Variants in MAOB observed in about 807,000 individuals in gnomAD.
MAOB encodes the protein amine oxidase [flavin-containing] B.
Under a neutral mutation model 41.9 loss-of-function variants are expected in MAOB, and 15 were observed. The observed-to-expected ratio is 0.36, with a 90% CI of 0.24 to 0.55. The LOEUF is 0.55. Ranked by LOEUF, MAOB falls within the 20% of genes least tolerant of loss-of-function variation. The pLI is 0.86. For missense variants in MAOB, 345 were observed against 398.7 expected (o/e 0.87, Z 1.15); for synonymous variants, 167 against 144.2 (o/e 1.16, Z -1.13).
chrX:43,848,528 T>C (rs1478572918), intron 1 of MAOB, among the ~76,000 whole-genome samples: 1 of 110,517 alleles, frequency 9.0e-6, no homozygotes, highest in South Asian at 3.8e-4. Flanking sequence ...TATGTTGTTG[T>C]TGTCATTTTT....
In MAOB at chrX:43,784,546, T is replaced by C. The variant is rs191915968; in HGVS notation, c.929-3002A>G. Among the ~76,000 whole-genome samples the C allele has an allele frequency of 5.3e-3, 589 of 111,784 alleles. 1 individual carries two copies. Among genetic ancestry groups the C allele is most frequent in the Middle Eastern group, 0.023 (5 of 216 alleles). On this transcript the variant is annotated intron_variant, in intron 8 of 14. Coordinates refer to ENST00000378069, the MANE Select transcript of MAOB (RefSeq NM_000898.5). ...TCTTCTCAGCAGTAGGTCTCAAGAG[T>C]GGGCTTAAAATATTCAGTAAACCAT...
chrX:43,838,812 G>A (rs1389567811), intron 3 of MAOB, 56 bp downstream of exon 3: 87 of 1,065,376 alleles, frequency 8.2e-5, no homozygotes, highest in Non-Finnish European at 1.1e-4. Context: ...TGGAATTTGT[G>A]TAAGGAAACA....
intron 14 of MAOB, among the ~76,000 whole-genome samples, chrX:43,768,007 A>G (rs1399780738): frequency 1.8e-5 from 2 of 112,069 alleles, no homozygotes; most frequent in Admixed American, 1.9e-4. Flanking sequence ...AAATGAATCA[A>G]TGGTCCCTAC....
chrX:43,837,827 C>T (rs1260451305), intron 3 of MAOB: 11 of 326,872 alleles, frequency 3.4e-5, no homozygotes, highest in African/African-American at 1.1e-4. Flanking sequence ...TGAAAACCTC[C>T]GCCAGTTCTT....
chrX:43,786,993 GAA>G (rs918511008), intron 8 of MAOB, among the ~76,000 whole-genome samples: 1 of 109,716 alleles, frequency 9.1e-6, no homozygotes. Flanking sequence ...TTTACTCTTA[GAA>G]AAAGAGATGA....
chrX:43,842,207 T>C lies in MAOB; in HGVS notation c.141+1463A>G, dbSNP rs1350984836. Among the ~76,000 whole-genome samples, 3 of 112,054 alleles carry C rather than the reference T, an allele frequency of 2.7e-5. No individual in the cohort carries two copies. The Admixed American group carries it at 2.8e-4, about 11-fold the overall frequency. On this transcript the variant is annotated intron_variant, in intron 2 of 14. Coordinates refer to ENST00000378069, the MANE Select transcript of MAOB (RefSeq NM_000898.5). ...TATATAAGAAACTCAAACAACTCAA[T>C]AGCAAGAGACAAATAACCAGATTTT...
At chrX:43,775,316 G>C in intron 11 of MAOB, 44 bp from the exon 12 acceptor site, 1 of 1,181,927 alleles carries the variant, frequency 8.5e-7, no homozygotes, top group South Asian at 1.9e-5. Flanking sequence ...CTCAGAGAAA[G>C]CTATTTAGCC....
At chrX:43,871,816 G>A (rs774752809) in intron 1 of MAOB, among the ~76,000 whole-genome samples, 1 of 110,303 alleles carries the variant, frequency 9.1e-6, no homozygotes, top group East Asian at 2.9e-4. Flanking sequence ...CTTAACAAGG[G>A]CTGTTTGATT....
chrX:43,836,570 T>C (rs1050452347), intron 3 of MAOB, among the ~76,000 whole-genome samples: 2 of 112,254 alleles, frequency 1.8e-5, no homozygotes, highest in African/African-American at 3.2e-5. Context: ...TGCATGTGCA[T>C]ACAATTTCTT....
intron 11 of MAOB, among the ~76,000 whole-genome samples, chrX:43,775,901 G>T (rs548358793): frequency 2.7e-5 from 3 of 112,355 alleles, no homozygotes; most frequent in South Asian, 7.2e-4. Flanking sequence ...GCATTACTTC[G>T]AAAAGATAAA....
intron 8 of MAOB, among the ~76,000 whole-genome samples, chrX:43,790,268 G>T (rs1261365864): frequency 8.9e-6 from 1 of 112,247 alleles, no homozygotes; most frequent in Admixed American, 9.4e-5. Context: ...AACTTCTTCA[G>T]ATTTCATTAC....
intron 12 of MAOB, among the ~76,000 whole-genome samples, chrX:43,770,705 C>A (rs899338717): frequency 8.9e-6 from 1 of 111,903 alleles, no homozygotes; most frequent in African/African-American, 3.3e-5. Context: ...AAGAGCCACA[C>A]TCCTAGAAAA....
At chrX:43,793,195 G>A (rs925340484) in intron 8 of MAOB, among the ~76,000 whole-genome samples, 7 of 111,646 alleles carry the variant, frequency 6.3e-5, no homozygotes, top group African/African-American at 2.0e-4. Context: ...GAGGTAAGGA[G>A]TACAGCAAGA....
At chrX:43,785,188 C>T (rs1306929796) in intron 8 of MAOB, among the ~76,000 whole-genome samples, 1 of 113,030 alleles carries the variant, frequency 8.8e-6, no homozygotes, top group Non-Finnish European at 1.9e-5. Context: ...TTAATGTAGC[C>T]ACCTTTGTCA....
intron 13 of MAOB, 108 bp from the exon 14 acceptor site, chrX:43,768,824 C>A: frequency 1.5e-6 from 1 of 684,298 alleles, no homozygotes. Flanking sequence ...ATCAAAAACA[C>A]CAAGGTAAAG....
At chrX:43,807,253 C>T (rs1208205696) in intron 3 of MAOB, among the ~76,000 whole-genome samples, 1 of 112,298 alleles carries the variant, frequency 8.9e-6, no homozygotes, top group Middle Eastern at 4.2e-3. Flanking sequence ...AGAAGTCAAT[C>T]CCCATTCTAG....
At chrX:43,875,359 A>G (rs953798547) in intron 1 of MAOB, among the ~76,000 whole-genome samples, 14 of 111,825 alleles carry the variant, frequency 1.3e-4, no homozygotes, top group African/African-American at 4.2e-4. Flanking sequence ...AACTCTAAAG[A>G]TGCTTCCGTC....
intron 3 of MAOB, among the ~76,000 whole-genome samples, chrX:43,823,920 A>G (rs1029005693): frequency 8.9e-6 from 1 of 112,350 alleles, no homozygotes; most frequent in African/African-American, 3.2e-5. Flanking sequence ...AATTCTGTTC[A>G]GAGATATTGT....
intron 1 of MAOB, among the ~76,000 whole-genome samples, chrX:43,846,228 C>CA (rs1459384051): frequency 8.9e-6 from 1 of 112,311 alleles, no homozygotes; most frequent in Non-Finnish European, 1.9e-5. Flanking sequence ...GAGGCTTAAA[C>CA]AAAAGAGTTC....
Sources: gnomAD v4.1 joint callset for allele counts (sites outside exome capture counted in the v4.1 genomes callset) on GRCh38, gnomAD v4.1.1 for gene constraint, MANE v1.5 for transcripts, NCBI Gene and HGNC (gene_info 2026-07-23, HGNC 2026-07-21) for gene names.